Variants in FAM76A observed in about 807,000 individuals in gnomAD.
FAM76A encodes the protein protein FAM76A.
FAM76A carries 32 observed loss-of-function variants against 46.2 expected under a neutral mutation model. The observed-to-expected ratio is 0.69, with a 90% CI of 0.52 to 0.93. The LOEUF (loss-of-function observed/expected upper bound fraction) is 0.93. Among genes scored for constraint, FAM76A ranks in the 40% least tolerant of loss-of-function variants. The pLI, the probability that FAM76A is intolerant of heterozygous loss-of-function variation, is 0.00. For missense variants in FAM76A, 274 were observed against 361.5 expected, an observed-to-expected ratio of 0.76 and a Z score of 1.96; for synonymous variants, 137 against 127.0, an observed-to-expected ratio of 1.08 and a Z score of -0.53.
At chr1:27,727,368 C>T (rs2087877867) in intron 1 of FAM76A, 104 bp from the exon 2 acceptor site, 1 of 891,072 alleles carries the variant, frequency 1.1e-6, no homozygotes, top group South Asian at 1.4e-5. Context: ...GTGACTCACT[C>T]AAGCATAGTA....
intron 6 of FAM76A, among the ~76,000 whole-genome samples, chr1:27,751,845 C>T (rs1489299133): frequency 6.6e-6 from 1 of 151,372 alleles, no homozygotes; most frequent in Non-Finnish European, 1.5e-5. Context: ...ACTGTGTCAC[C>T]CAGGCTGGAG....
chr1:27,759,780 T>TTTTTTTTTTTTTTTTTTTTTTTTTTG (rs1491150258), intron 8 of FAM76A, 153 bp downstream of exon 8: 1 of 498,968 alleles, frequency 2.0e-6, no homozygotes, highest in African/African-American at 2.9e-5. Flanking sequence ...TTTTTTTTTG[T>TTTTTTTTTTTTTTTTTTTTTTTTTTG]TTTTTTTTTG....
chr1:27,751,021 G>A (rs1048870915), intron 6 of FAM76A, among the ~76,000 whole-genome samples: 3 of 152,150 alleles, frequency 2.0e-5, no homozygotes, highest in Non-Finnish European at 2.9e-5. Flanking sequence ...GCATGGTGGC[G>A]TGTGCCTGTA....
intron 4 of FAM76A, among the ~76,000 whole-genome samples, chr1:27,734,814 C>T (rs1412812967): frequency 1.3e-5 from 2 of 152,158 alleles, no homozygotes; most frequent in Non-Finnish European, 2.9e-5. Flanking sequence ...CTATCTGGCT[C>T]TTTAAATGTT....
chr1:27,760,578 A>G lies in FAM76A; in HGVS notation c.921A>G (p.Pro307=), dbSNP rs1296354054. 2.5e-6 allele frequency: 4 copies of G among 1,608,726 alleles called. No individual in the cohort carries two copies. The highest frequency in any genetic ancestry group is 1.1e-5 in the South Asian group (1 of 90,550). ...AGAAGTCAGGAGCTATAACCTCTCC[A>G]TGACAGACCTCAAGGAGGCTCCCTA... The part of the protein sequence containing the change: ...KSEKSGAITS[P] The change falls in exon 9 of 9, where the codon CCA becomes CCG. Residue 307 remains proline, a synonymous_variant. Coordinates refer to ENST00000373954, the MANE Select transcript of FAM76A (RefSeq NM_152660.3).
Position 27,760,759 on chromosome 1 carries a change from G to T in FAM76A, c.*178G>T. The T allele has an allele frequency of 2.7e-6, 1 of 369,966 alleles. No homozygotes were observed. Among genetic ancestry groups the T allele is most frequent in the Non-Finnish European group, 5.2e-6 (1 of 192,614 alleles). The allele number at this position is 369,966 out of a possible 1,614,324, so 22.9% of individuals were successfully genotyped here. A position where few individuals can be genotyped will look rare whatever the true frequency, so the allele number is the denominator to read the frequency against. On this transcript the variant is annotated 3_prime_UTR_variant, in exon 9 of 9. Transcript: ENST00000373954. ...GAAACACCTGGTTTGTGCTGTGTTA[G>T]ACTGCATGCTTGAGTGTTTGGGATT...
At chr1:27,755,574 G>GTT (rs1282962911) in intron 7 of FAM76A, among the ~76,000 whole-genome samples, 1 of 152,044 alleles carries the variant, frequency 6.6e-6, no homozygotes, top group Non-Finnish European at 1.5e-5. Context: ...AGGACATTTT[G>GTT]TTTTTTGTTT....
chr1:27,733,212 G>A (rs184173790), intron 3 of FAM76A, among the ~76,000 whole-genome samples: 32 of 152,290 alleles, frequency 2.1e-4, no homozygotes, highest in East Asian at 1.9e-3. Flanking sequence ...GATCACAGGC[G>A]TGAGCCACTG....
intron 4 of FAM76A, among the ~76,000 whole-genome samples, chr1:27,743,615 A>G (rs755940118): frequency 1.3e-5 from 2 of 152,186 alleles, no homozygotes; most frequent in Non-Finnish European, 2.9e-5. Flanking sequence ...AAATACAAAA[A>G]TTAGCCACAC....
chr1:27,736,488 A>G (rs1336450523), intron 4 of FAM76A, among the ~76,000 whole-genome samples: 1 of 152,254 alleles, frequency 6.6e-6, no homozygotes, highest in Non-Finnish European at 1.5e-5. Context: ...ACAAAGGTCA[A>G]GATACTAGTA....
chr1:27,735,716 G>A (rs1252393291), intron 4 of FAM76A, among the ~76,000 whole-genome samples: 4 of 152,132 alleles, frequency 2.6e-5, no homozygotes, highest in African/African-American at 9.7e-5. Flanking sequence ...AATGACCCTG[G>A]CTACTTACCC....
intron 7 of FAM76A, among the ~76,000 whole-genome samples, chr1:27,759,156 A>G (rs548593454): frequency 2.6e-5 from 4 of 152,180 alleles, no homozygotes; most frequent in East Asian, 1.9e-4. Flanking sequence ...TCTTGGCCAC[A>G]TTCCTTAACC....
chr1:27,741,516 C>T (rs2088153136), intron 4 of FAM76A, among the ~76,000 whole-genome samples: 1 of 151,918 alleles, frequency 6.6e-6, no homozygotes, highest in South Asian at 2.1e-4. Context: ...AGAAATGTGT[C>T]TTAATGCCTA....
At position 27,726,159 on chromosome 1, in the gene FAM76A, A is replaced by G; in HGVS notation, c.79A>G (p.Lys27Glu). 1.6e-6 allele frequency: 2 copies of G among 1,288,492 alleles called. No individual in the cohort carries two copies. Among genetic ancestry groups the G allele is most frequent in the South Asian group, 2.6e-5 (1 of 38,970 alleles). 79.8% of individuals were successfully genotyped at this position (1,288,492 alleles called of 1,614,324 possible). Reference protein sequence around the residue: ...EALSQGQQLCKECRIAHPVVK... With the variant: ...EALSQGQQLCEECRIAHPVVK... ...GCTGTCTCAGGGGCAGCAGCTGTGC[A>G]AGGTGCGCGGGCTGGGGCGGCGGCC... The change falls in exon 1 of 9, where the codon AAG becomes GAG. Residue 27 changes from lysine to glutamate, a missense_variant and splice_region_variant. Physicochemically the swap from Lys to Glu is moderately conservative, Grantham distance 56 (BLOSUM62 1). Transcript: ENST00000373954.
At position 27,759,779 on chromosome 1, in the gene FAM76A, G is replaced by GTTTTTTTTGTTTT. The variant is rs1553179892; in HGVS notation, c.837+160_837+161insGTTTTTTTTTTTT. On this transcript the variant is annotated intron_variant, in intron 8 of 8. Coordinates refer to ENST00000373954, the MANE Select transcript of FAM76A (RefSeq NM_152660.3). ...TCCCCCTTTTAGGTTTTTTTTTTTT[G>GTTTTTTTTGTTTT]TTTTTTTTTTGAGACAGGTTCTCTG... The GTTTTTTTTGTTTT allele has an allele frequency of 5.2e-5, 19 of 363,594 alleles. No homozygotes were observed. In the African/African-American group the frequency reaches 5.3e-4, roughly 10 times the overall value. 22.5% of individuals were successfully genotyped at this position (363,594 alleles called of 1,614,324 possible). A position where few individuals can be genotyped will look rare whatever the true frequency, so the allele number is the denominator to read the frequency against.
In FAM76A at chr1:27,762,709, A is replaced by G. The variant is rs2088526988; in HGVS notation, c.*2128A>G. The G allele has an allele frequency of 6.6e-6, 1 of 152,186 alleles. No homozygotes were observed. Among genetic ancestry groups the G allele is most frequent in the African/African-American group, 2.4e-5 (1 of 41,458 alleles). The allele number at this position is 152,186 out of a possible 1,614,324, so 9.4% of individuals were successfully genotyped here. A position where few individuals can be genotyped will look rare whatever the true frequency, so the allele number is the denominator to read the frequency against. On this transcript the variant is annotated 3_prime_UTR_variant, in exon 9 of 9. Coordinates refer to ENST00000373954, the MANE Select transcript of FAM76A (RefSeq NM_152660.3). ...AAGATAAACTGTCATAATATTTTTC[A>G]GATGCATTTGCATTGACTATGGGAG...
intron 4 of FAM76A, among the ~76,000 whole-genome samples, chr1:27,737,734 C>G (rs935761728): frequency 6.6e-6 from 1 of 151,878 alleles, no homozygotes; most frequent in Non-Finnish European, 1.5e-5. Context: ...TGCCTATAAT[C>G]CCAGCTACTC....
chr1:27,759,719 C>T (rs549847343), intron 8 of FAM76A, 92 bp downstream of exon 8: 10 of 776,734 alleles, frequency 1.3e-5, no homozygotes, highest in African/African-American at 2.1e-5. Flanking sequence ...TCTTAGATTT[C>T]TTTTTTTTCT....
chr1:27,736,953 T>C (rs2088056913), intron 4 of FAM76A, among the ~76,000 whole-genome samples: 1 of 151,748 alleles, frequency 6.6e-6, no homozygotes, highest in African/African-American at 2.4e-5. Flanking sequence ...TTTTTGTTGT[T>C]GTTGTTGTTT....
Sources: allele counts gnomAD v4.1 joint callset (sites outside exome capture counted in the v4.1 genomes callset), GRCh38; gene constraint gnomAD v4.1.1; transcripts MANE v1.5; gene names NCBI Gene and HGNC (gene_info 2026-07-23, HGNC 2026-07-21).